Variants in DCC observed in about 807,000 individuals in gnomAD.
The protein encoded by DCC is netrin receptor DCC.
In DCC, 58 loss-of-function variants were observed where a neutral mutation model predicts 172.5. The observed-to-expected ratio is 0.34, with a 90% confidence interval of 0.27 to 0.42. DCC has a LOEUF of 0.42. Among genes scored for constraint, DCC ranks in the 10% least tolerant of loss-of-function variants. The pLI, the probability that DCC is intolerant of heterozygous loss-of-function variation, is 1.00. For missense variants in DCC, 1,740 were observed against 1,791.0 expected (o/e 0.97, Z 0.51); for synonymous variants, 709 against 644.5 (o/e 1.10, Z -1.52).
chr18:53,201,316 T>C (rs1411555159), intron 9 of DCC, among the ~76,000 whole-genome samples: 3 of 152,158 alleles, frequency 2.0e-5, no homozygotes, highest in Non-Finnish European at 4.4e-5. Flanking sequence ...ACCCTTTCCA[T>C]GTGGCCACAA....
At position 53,014,285 on chromosome 18, in the gene DCC, TA is replaced by T. The variant is rs528880597; in HGVS notation, c.986-49019del. On this transcript the variant is annotated intron_variant, in intron 5 of 28. Transcript: ENST00000442544. ...CTGTTCTTTGGAACATATGGATAAT[TA>T]TTTTTTTTATTACATTTTAAGTTTT... Among the ~76,000 whole-genome samples the T allele has an allele frequency of 3.0e-3, 451 of 152,248 alleles. 1 individual carries two copies. Among genetic ancestry groups the T allele is most frequent in the Non-Finnish European group, 5.1e-3 (346 of 68,008 alleles).
intron 1 of DCC, among the ~76,000 whole-genome samples, chr18:52,477,241 T>G (rs998187033): frequency 6.6e-6 from 1 of 152,160 alleles, no homozygotes; most frequent in Non-Finnish European, 1.5e-5. Flanking sequence ...ATTCCCTGCA[T>G]CATGCGAAGA....
intron 1 of DCC, among the ~76,000 whole-genome samples, chr18:52,560,570 T>G (rs930490924): frequency 1.1e-4 from 16 of 152,256 alleles, no homozygotes; most frequent in African/African-American, 3.6e-4. Flanking sequence ...TTCTGTAGAA[T>G]AGAAAAACAA....
At chr18:53,232,459 A>G (rs1002268149) in intron 12 of DCC, among the ~76,000 whole-genome samples, 1 of 152,158 alleles carries the variant, frequency 6.6e-6, no homozygotes, top group Non-Finnish European at 1.5e-5. Context: ...GAAAACCTAT[A>G]AGTATTTCAT....
intron 22 of DCC, among the ~76,000 whole-genome samples, chr18:53,442,806 T>C (rs190512673): frequency 7.9e-5 from 12 of 152,240 alleles, no homozygotes; most frequent in Non-Finnish European, 1.6e-4. Flanking sequence ...ACAGCCTTAT[T>C]GCTGACATGA....
At chr18:53,137,274 G>A (rs2043757958) in intron 7 of DCC, among the ~76,000 whole-genome samples, 2 of 152,218 alleles carry the variant, frequency 1.3e-5, no homozygotes, top group South Asian at 2.1e-4. Flanking sequence ...AGGCTTGACT[G>A]GGGAATGATC....
In DCC at chr18:52,737,946, A is replaced by G. The variant is rs978307115; in HGVS notation, c.92-14108A>G. Among the ~76,000 whole-genome samples, 7 of 152,128 alleles carry G rather than the reference A, an allele frequency of 4.6e-5. No individual in the cohort carries two copies. In the South Asian group the frequency reaches 1.0e-3, roughly 23 times the overall value. On this transcript the variant is annotated intron_variant, in intron 1 of 28. Coordinates refer to ENST00000442544, the MANE Select transcript of DCC (RefSeq NM_005215.4). The stretch of plus-strand genomic sequence containing the variant: ...TGTCAATCAGCAGTATCACCTCAGA[A>G]CAGGGTCATCAGACTACAGCCCAAA...
chr18:53,109,712 A>G (rs2043302606), intron 7 of DCC, among the ~76,000 whole-genome samples: 1 of 151,500 alleles, frequency 6.6e-6, no homozygotes, highest in African/African-American at 2.4e-5. Flanking sequence ...TTTGACTGTC[A>G]TTAACTGAGA....
At chr18:53,388,643 G>A (rs149336475) in intron 16 of DCC, among the ~76,000 whole-genome samples, 336 of 152,240 alleles carry the variant, frequency 2.2e-3, no homozygotes, top group African/African-American at 7.9e-3. Context: ...TTGTCTTAAG[G>A]ACAAGATATC....
intron 5 of DCC, among the ~76,000 whole-genome samples, chr18:52,993,763 C>T (rs941811838): frequency 5.3e-5 from 8 of 151,682 alleles, no homozygotes; most frequent in African/African-American, 9.7e-5. Context: ...TTCTACTTTG[C>T]GGGAATAAGT....
At chr18:53,094,901 G>A (rs1027609357) in intron 7 of DCC, among the ~76,000 whole-genome samples, 1 of 152,040 alleles carries the variant, frequency 6.6e-6, no homozygotes, top group Admixed American at 6.6e-5. Flanking sequence ...ATAAATAATA[G>A]AGGACAGAAA....
At chr18:53,391,229 A>G (rs1214905505) in intron 16 of DCC, among the ~76,000 whole-genome samples, 1 of 152,198 alleles carries the variant, frequency 6.6e-6, no homozygotes. Context: ...TAGGTATTAG[A>G]TAAGCAATTA....
intron 1 of DCC, among the ~76,000 whole-genome samples, chr18:52,538,241 T>C (rs1268542420): frequency 6.6e-6 from 1 of 152,186 alleles, no homozygotes; most frequent in Non-Finnish European, 1.5e-5. Flanking sequence ...AGCTTTCTGC[T>C]GCCTTTCTGC....
chr18:53,499,574 T>A, intron 27 of DCC, 64 bp downstream of exon 27: 1 of 1,325,382 alleles, frequency 7.5e-7, no homozygotes, highest in Non-Finnish European at 1.1e-6. Context: ...TTTAAGTGCA[T>A]GAGGGTGCTT....
intron 15 of DCC, among the ~76,000 whole-genome samples, chr18:53,367,862 T>A (rs952071723): frequency 1.3e-5 from 2 of 152,178 alleles, no homozygotes; most frequent in Non-Finnish European, 2.9e-5. Context: ...CCCTCAGAAT[T>A]TCCTTCTTTT....
chr18:53,455,099 A>T (rs1433976487), intron 23 of DCC, among the ~76,000 whole-genome samples: 2 of 152,212 alleles, frequency 1.3e-5, no homozygotes, highest in Non-Finnish European at 2.9e-5. Context: ...TTTCTGATTA[A>T]CTTGTAATTA....
At chr18:53,170,608 G>A (rs1464378972) in intron 8 of DCC, among the ~76,000 whole-genome samples, 2 of 152,098 alleles carry the variant, frequency 1.3e-5, no homozygotes, top group African/African-American at 4.8e-5. Context: ...GTGGTATTTT[G>A]TTATTATAAA....
intron 7 of DCC, among the ~76,000 whole-genome samples, chr18:53,111,176 G>A (rs558588370): frequency 3.6e-4 from 52 of 146,068 alleles, no homozygotes; most frequent in South Asian, 1.3e-3. Context: ...GCATGTTCTC[G>A]CTCATAGGTA....
At chr18:52,351,146 C>G (rs1437350989) in intron 1 of DCC, among the ~76,000 whole-genome samples, 4 of 148,808 alleles carry the variant, frequency 2.7e-5, no homozygotes, top group African/African-American at 9.8e-5. Flanking sequence ...TTAGGAGGGG[C>G]AGACGAGAGA....
Sources: allele counts gnomAD v4.1 joint callset (sites outside exome capture counted in the v4.1 genomes callset), GRCh38; gene constraint gnomAD v4.1.1; transcripts MANE v1.5; gene names NCBI Gene and HGNC (gene_info 2026-07-23, HGNC 2026-07-21).